Variants in TMEFF2 observed in about 807,000 individuals in gnomAD.
TMEFF2 encodes the protein transmembrane protein with EGF like and two follistatin like domains 2.
TMEFF2 carries 28 observed loss-of-function variants against 53.8 expected under a neutral mutation model. That is an observed-to-expected ratio of 0.52 (90% confidence interval 0.39 to 0.71). The LOEUF (loss-of-function observed/expected upper bound fraction) is 0.71, where lower values mean the gene tolerates loss of function less well. Ranked by LOEUF, TMEFF2 falls within the 30% of genes least tolerant of loss-of-function variation. The probability of loss-of-function intolerance (pLI) is 0.00; values close to 1 mark genes in which losing one functional copy is unlikely to be tolerated. For synonymous variants in TMEFF2, 162 were observed against 166.3 expected (o/e 0.97, Z 0.20); for missense variants, 353 against 455.2 (o/e 0.78, Z 2.04).
chr2:192,169,199 A>T (rs1690846865), intron 4 of TMEFF2, among the ~76,000 whole-genome samples: 1 of 152,174 alleles, frequency 6.6e-6, no homozygotes, highest in African/African-American at 2.4e-5. Flanking sequence ...AGTATAATTG[A>T]TGAGAGACAT....
At chr2:192,032,662 T>TA (rs1281061351) in intron 5 of TMEFF2, 2 of 152,204 alleles carry the variant, frequency 1.3e-5, no homozygotes, top group Non-Finnish European at 2.9e-5. Flanking sequence ...AGAGGCAATT[T>TA]AATGAGGTAG....
intron 4 of TMEFF2, among the ~76,000 whole-genome samples, chr2:192,082,725 C>T (rs1688580770): frequency 6.6e-6 from 1 of 152,140 alleles, no homozygotes; most frequent in African/African-American, 2.4e-5. Context: ...AGATTCGGAA[C>T]CTCTTTTCTC....
In TMEFF2 at chr2:192,179,550, T is replaced by C. The variant is rs555839166; in HGVS notation, c.439+118A>G. 33 of 1,167,294 alleles carry C rather than the reference T, an allele frequency of 2.8e-5. No individual in the cohort carries two copies. In the East Asian group the frequency reaches 7.3e-4, roughly 26 times the overall value. 72.3% of individuals were successfully genotyped at this position (1,167,294 alleles called of 1,614,324 possible). A position where few individuals can be genotyped will look rare whatever the true frequency, so the allele number is the denominator to read the frequency against. ...GTGACAATTTTTTATGGTTTCACCT[T>C]TCCTAAAATGCAAAATATGAAATTT... On this transcript the variant is annotated intron_variant, in intron 4 of 9. Transcript: ENST00000272771.
At position 191,992,476 on chromosome 2, in the gene TMEFF2, G is replaced by A. The variant is rs114561823; in HGVS notation, c.745+5786C>T. 5.6e-3 allele frequency among the ~76,000 whole-genome samples: 846 copies of A among 152,088 alleles called. 14 individuals are homozygous for A. Among genetic ancestry groups the A allele is most frequent in the African/African-American group, 0.019 (794 of 41,508 alleles). Reference sequence around the variant, plus strand: ...GCAAGCACCCTATTTACACAGGTAGGCAGTCAAAATGTCAAAATACTGTGT... The same window carrying A: ...GCAAGCACCCTATTTACACAGGTAGACAGTCAAAATGTCAAAATACTGTGT... On this transcript the variant is annotated intron_variant, in intron 7 of 9. Transcript: ENST00000272771.
intron 5 of TMEFF2, among the ~76,000 whole-genome samples, chr2:192,009,411 T>G (rs1686573677): frequency 6.6e-6 from 1 of 152,208 alleles, no homozygotes; most frequent in Admixed American, 6.5e-5. Context: ...GAATTAATTC[T>G]TAGTGTTTTT....
In TMEFF2 at chr2:191,949,220, T is replaced by C. The variant is rs1459349993; in HGVS notation, c.*1091A>G. The C allele has an allele frequency of 1.0e-6, 1 of 985,270 alleles. No individual in the cohort carries two copies. Among genetic ancestry groups the C allele is most frequent in the African/African-American group, 1.7e-5 (1 of 57,236 alleles). 61.0% of individuals were successfully genotyped at this position (985,270 alleles called of 1,614,324 possible). On this transcript the variant is annotated 3_prime_UTR_variant, in exon 10 of 10. Coordinates refer to ENST00000272771, the MANE Select transcript of TMEFF2 (RefSeq NM_016192.4). ...TTTGTATGCACAAATCAAACAAAAA[T>C]CCATACCAACTTCCCAGTGAGGTCT... is the stretch of plus-strand genomic sequence containing the variant.
intron 4 of TMEFF2, among the ~76,000 whole-genome samples, chr2:192,098,015 A>C (rs973056067): frequency 1.3e-5 from 2 of 152,230 alleles, no homozygotes; most frequent in African/African-American, 4.8e-5. Context: ...ACAATTAACC[A>C]AATACTGAGG....
At chr2:192,122,021 T>G (rs1279631914) in intron 4 of TMEFF2, among the ~76,000 whole-genome samples, 1 of 152,182 alleles carries the variant, frequency 6.6e-6, no homozygotes, top group African/African-American at 2.4e-5. Flanking sequence ...TTATTGTACA[T>G]TTTAAAATAG....
chr2:192,176,694 T>G (rs553771563), intron 4 of TMEFF2: 28 of 151,316 alleles, frequency 1.9e-4, no homozygotes, highest in African/African-American at 5.8e-4. Flanking sequence ...TATGTCCCTT[T>G]TATATTGCAG....
rs1692092948 is a variant in TMEFF2, at chr2:191,956,298, C to T, written c.826G>A (p.Gly276Arg). 2 of 1,613,838 alleles carry T rather than the reference C, an allele frequency of 1.2e-6. No homozygotes were observed. Among genetic ancestry groups the T allele is most frequent in the Admixed American group, 3.3e-5 (2 of 59,970 alleles). ...PEHYNGFCMHGKCEHSINMQE... is the reference protein window; with the variant it reads ...PEHYNGFCMHRKCEHSINMQE... ...ATATTGATAGAATGCTCACACTTCC[C>T]ATGCATGCAGAAGCCATTGTAATGT... The change falls in exon 8 of 10, where the codon GGG becomes AGG. Residue 276 changes from glycine (G) to arginine (R), a missense_variant. Coordinates refer to ENST00000272771, the MANE Select transcript of TMEFF2 (RefSeq NM_016192.4).
At chr2:192,027,875 G>A (rs1475126356) in intron 5 of TMEFF2, 1 of 152,204 alleles carries the variant, frequency 6.6e-6, no homozygotes, top group African/African-American at 2.4e-5. Context: ...CACATAGATG[G>A]TTCTCAGTGC....
At chr2:192,021,211 C>T in intron 5 of TMEFF2, among the ~76,000 whole-genome samples, 1 of 152,050 alleles carries the variant, frequency 6.6e-6, no homozygotes, top group Non-Finnish European at 1.5e-5. Context: ...TTGATTTTAC[C>T]AGTCACTTTC....
chr2:192,089,110 T>A (rs1688731814), intron 4 of TMEFF2, among the ~76,000 whole-genome samples: 1 of 152,152 alleles, frequency 6.6e-6, no homozygotes, highest in Non-Finnish European at 1.5e-5. Context: ...GGGATTGAAT[T>A]GCTCCAATTC....
chr2:192,008,664 A>T (rs2105846996), intron 5 of TMEFF2, among the ~76,000 whole-genome samples: 1 of 152,320 alleles, frequency 6.6e-6, no homozygotes, highest in Non-Finnish European at 1.5e-5. Flanking sequence ...GGAAGGAAAA[A>T]CAATACAATA....
At chr2:192,025,388 TTTAA>T (rs1448142706) in intron 5 of TMEFF2, among the ~76,000 whole-genome samples, 4 of 151,760 alleles carry the variant, frequency 2.6e-5, no homozygotes, top group African/African-American at 9.7e-5. Flanking sequence ...TTTTTTTTTT[TTTAA>T]TTTAATGATA....
At chr2:192,128,648 A>T (rs1263339335) in intron 4 of TMEFF2, among the ~76,000 whole-genome samples, 1 of 152,216 alleles carries the variant, frequency 6.6e-6, no homozygotes, top group Non-Finnish European at 1.5e-5. Context: ...AGCTTTAGTA[A>T]GGCTGCAAGT....
At chr2:192,067,832 T>G (rs6751023) in intron 4 of TMEFF2, among the ~76,000 whole-genome samples, 47,378 of 151,676 alleles carry the variant, frequency 0.31, 7,698 homozygotes, top group Middle Eastern at 0.38. Flanking sequence ...GTGTCCTAAA[T>G]ATTTTCCCAT....
intron 4 of TMEFF2, among the ~76,000 whole-genome samples, chr2:192,075,323 A>ATATATATG (rs1688403745): frequency 2.1e-5 from 2 of 93,650 alleles, no homozygotes; most frequent in African/African-American, 7.6e-5. Context: ...ATATATATAT[A>ATATATATG]TATATATATA....
In TMEFF2 at chr2:192,086,507, C is replaced by A. The variant is rs371116195; in HGVS notation, c.440-28732G>T. ...TGTAATTCCCATCTCTTTTGTTGTG[C>A]ATGCTTTGTAGTATGTATTACCTTG... is the stretch of plus-strand genomic sequence containing the variant. On this transcript the variant is annotated intron_variant, in intron 4 of 9. Transcript: ENST00000272771. Among the ~76,000 whole-genome samples the A allele has an allele frequency of 1.6e-4, 25 of 152,178 alleles. No homozygotes were observed. In the East Asian group the frequency reaches 4.6e-3, roughly 28 times the overall value.
Sources: allele counts gnomAD v4.1 joint callset (sites outside exome capture counted in the v4.1 genomes callset), GRCh38; gene constraint gnomAD v4.1.1; transcripts MANE v1.5; gene names NCBI Gene and HGNC (gene_info 2026-07-23, HGNC 2026-07-21).